RGMB: variants seen among roughly 807,000 people sequenced by gnomAD.
RGMB encodes the protein repulsive guidance molecule B.
In RGMB, 16 loss-of-function variants were observed where a neutral mutation model predicts 26.9. The observed-to-expected ratio is 0.60, with a 90% CI of 0.40 to 0.90. RGMB has a LOEUF of 0.90. RGMB is among the 40% of genes least tolerant of loss of function. The pLI is 0.00. For missense variants in RGMB, 512 were observed against 573.3 expected (o/e 0.89, Z 1.09); for synonymous variants, 225 against 229.3 (o/e 0.98, Z 0.17).
chr5:98,773,958 AG>A lies in RGMB; in HGVS notation c.-112del. The A allele has an allele frequency of 1.6e-6, 1 of 621,906 alleles. No individual in the cohort carries two copies. Among genetic ancestry groups the A allele is most frequent in the Non-Finnish European group, 2.9e-6 (1 of 344,458 alleles). The allele number at this position is 621,906 out of a possible 1,614,324, so 38.5% of individuals were successfully genotyped here. A position where few individuals can be genotyped will look rare whatever the true frequency, so the allele number is the denominator to read the frequency against. ...TCTGCTACACGGGCCTGAAGAAGGAAGAAGAGGAAGCGAAGCGCGCCCCCCG... is the reference window on the plus strand; with the variant it reads ...TCTGCTACACGGGCCTGAAGAAGGAAAAGAGGAAGCGAAGCGCGCCCCCCG... On this transcript the variant is annotated 5_prime_UTR_variant, in exon 1 of 3. Transcript: ENST00000513185.
upstream of RGMB, chr5:98,771,864 T>C (rs928071073): frequency 1.3e-5 from 2 of 152,200 alleles, no homozygotes; most frequent in African/African-American, 4.8e-5. Flanking sequence ...CCTTAACTAT[T>C]GAGTATATGC....
chr5:98,774,848 G>A (rs143743886), intron 1 of RGMB, among the ~76,000 whole-genome samples: 83 of 152,278 alleles, frequency 5.5e-4, no homozygotes, highest in African/African-American at 2.0e-3. Context: ...CTCCGTGAGG[G>A]GTTGACAGAT....
chr5:98,792,137 T>C (rs1314987260), intron 2 of RGMB, among the ~76,000 whole-genome samples: 1 of 152,206 alleles, frequency 6.6e-6, no homozygotes, highest in Admixed American at 6.5e-5. Flanking sequence ...TGTGAAACAT[T>C]TGATTAAGGG....
At chr5:98,769,561 C>G (rs2112321490), upstream of RGMB, 1 of 152,524 alleles carries the variant, frequency 6.6e-6, no homozygotes, top group Middle Eastern at 3.4e-3. Context: ...GCGCCTCGGC[C>G]GCGTGGCTTG....
upstream of RGMB, chr5:98,770,202 G>C (rs1347791016): frequency 6.4e-6 from 1 of 157,408 alleles, no homozygotes; most frequent in Non-Finnish European, 1.4e-5. Context: ...TCGCGGGAGA[G>C]CCCAGAGGAA....
Position 98,796,196 on chromosome 5 carries a change from CAT to C in RGMB, c.*2444_*2445del, listed in dbSNP as rs1747114957. ...CTAGAAGAATTTCAGGTCATACCAACATGTGGATAGGCTATAGCTGTTCAGAG... is the reference window on the plus strand; with the variant it reads ...CTAGAAGAATTTCAGGTCATACCAACGTGGATAGGCTATAGCTGTTCAGAG... On this transcript the variant is annotated 3_prime_UTR_variant, in exon 3 of 3. Coordinates refer to ENST00000513185, the MANE Select transcript of RGMB (RefSeq NM_001366508.1). The C allele has an allele frequency of 2.0e-5, 3 of 152,280 alleles. No homozygotes were observed. Among genetic ancestry groups the C allele is most frequent in the Admixed American group, 6.5e-5 (1 of 15,284 alleles). 9.4% of individuals were successfully genotyped at this position (152,280 alleles called of 1,614,324 possible).
At chr5:98,791,497 AG>A (rs796647959) in intron 2 of RGMB, among the ~76,000 whole-genome samples, 36 of 149,574 alleles carry the variant, frequency 2.4e-4, no homozygotes, top group African/African-American at 8.4e-4. Flanking sequence ...AGGCGGGGGG[AG>A]GGGGGTGCAT....
At chr5:98,786,747 A>G (rs1239077637) in intron 2 of RGMB, among the ~76,000 whole-genome samples, 1 of 152,238 alleles carries the variant, frequency 6.6e-6, no homozygotes, top group East Asian at 1.9e-4. Flanking sequence ...TCAGTAAGTA[A>G]TAAAAGAAAA....
chr5:98,772,632 T>C (rs890128633), upstream of RGMB: 3 of 152,188 alleles, frequency 2.0e-5, no homozygotes, highest in African/African-American at 2.4e-5. Context: ...CGATAACAAA[T>C]TGGAATCTAT....
rs1048855018 is a variant in RGMB at position 98,792,937 on chromosome 5, T to G, written c.646-148T>G. Reference sequence around the variant, plus strand: ...AAATATTTTCTGAAAGTGATATCCATTTTTGAGGTGCAAGCAGTTGGGTCC... The same window carrying G: ...AAATATTTTCTGAAAGTGATATCCAGTTTTGAGGTGCAAGCAGTTGGGTCC... On this transcript the variant is annotated intron_variant, in intron 2 of 2. Transcript: ENST00000513185. 9 of 569,834 alleles carry G rather than the reference T, an allele frequency of 1.6e-5. No individual in the cohort carries two copies. In the African/African-American group the frequency reaches 1.7e-4, roughly 11 times the overall value. 35.3% of individuals were successfully genotyped at this position (569,834 alleles called of 1,614,324 possible).
At chr5:98,787,393 A>G (rs768425686) in intron 2 of RGMB, among the ~76,000 whole-genome samples, 4 of 152,234 alleles carry the variant, frequency 2.6e-5, no homozygotes, top group Non-Finnish European at 4.4e-5. Context: ...TCGGGTCTGT[A>G]GTCCTGCCAC....
intron 1 of RGMB, among the ~76,000 whole-genome samples, chr5:98,775,140 T>C (rs1343152972): frequency 6.6e-6 from 1 of 152,106 alleles, no homozygotes; most frequent in Non-Finnish European, 1.5e-5. Flanking sequence ...TTTTGTCCTG[T>C]ATATATGAGA....
chr5:98,770,709 T>C (rs1348253174), upstream of RGMB: 9 of 1,344,272 alleles, frequency 6.7e-6, no homozygotes, highest in Admixed American at 2.8e-5. Flanking sequence ...AGTCGCCCGC[T>C]TGGCCCTCTT....
Position 98,795,450 on chromosome 5 carries a change from C to A in RGMB, c.*1697C>A, listed in dbSNP as rs775088170. 2 of 152,180 alleles carry A rather than the reference C, an allele frequency of 1.3e-5. No individual in the cohort carries two copies. The highest frequency in any genetic ancestry group is 2.9e-5 in the Non-Finnish European group (2 of 68,034). The allele number at this position is 152,180 out of a possible 1,614,324, so 9.4% of individuals were successfully genotyped here. On this transcript the variant is annotated 3_prime_UTR_variant, in exon 3 of 3. Coordinates refer to ENST00000513185, the MANE Select transcript of RGMB (RefSeq NM_001366508.1). ...CATTTTGTAAAGTTTAACTTCTTAG[C>A]GAACTGATGTGCCACCCAGTCACAG... is the stretch of plus-strand genomic sequence containing the variant.
intron 2 of RGMB, among the ~76,000 whole-genome samples, chr5:98,781,637 T>G (rs950755733): frequency 2.6e-5 from 4 of 152,122 alleles, no homozygotes; most frequent in African/African-American, 9.7e-5. Flanking sequence ...TGCAAATAAT[T>G]GAGGACTTGG....
chr5:98,776,717 C>T (rs1445889928), intron 1 of RGMB, among the ~76,000 whole-genome samples: 3 of 149,378 alleles, frequency 2.0e-5, no homozygotes, highest in African/African-American at 4.8e-5. Context: ...AAGCCTTAGC[C>T]AAAGCAAAAG....
chr5:98,788,254 T>A (rs879014076), intron 2 of RGMB, among the ~76,000 whole-genome samples: 1 of 152,228 alleles, frequency 6.6e-6, no homozygotes, highest in Admixed American at 6.5e-5. Flanking sequence ...GTTAGTATCT[T>A]GTCCTAGTCC....
At chr5:98,771,824 A>T (rs889684965), upstream of RGMB, 1 of 152,242 alleles carries the variant, frequency 6.6e-6, no homozygotes, top group Non-Finnish European at 1.5e-5. Context: ...TCACGAGTGG[A>T]AAGACCCAAA....
At chr5:98,792,394 C>T (rs1746957111) in intron 2 of RGMB, among the ~76,000 whole-genome samples, 1 of 152,160 alleles carries the variant, frequency 6.6e-6, no homozygotes, top group African/African-American at 2.4e-5. Flanking sequence ...TATGCCATGA[C>T]TCATCCACTT....
Sources: allele counts gnomAD v4.1 joint callset (sites outside exome capture counted in the v4.1 genomes callset), GRCh38; gene constraint gnomAD v4.1.1; transcripts MANE v1.5; gene names NCBI Gene and HGNC (gene_info 2026-07-23, HGNC 2026-07-21).